Variants in ODAD2 observed in about 807,000 individuals in gnomAD.
ODAD2 encodes outer dynein arm docking complex subunit 2.
ODAD2 carries 89 observed loss-of-function variants against 106.8 expected under a neutral mutation model. The observed-to-expected ratio is 0.83, with a 90% CI of 0.70 to 0.99. The LOEUF (loss-of-function observed/expected upper bound fraction) is 0.99, where lower values mean the gene tolerates loss of function less well. Ranked by LOEUF, ODAD2 falls within the 50% of genes least tolerant of loss-of-function variation. The pLI, the probability that ODAD2 is intolerant of heterozygous loss-of-function variation, is 0.00. For missense variants in ODAD2, 1,168 were observed against 1,238.5 expected, an observed-to-expected ratio of 0.94 and a Z score of 0.85; for synonymous variants, 404 against 436.2, an observed-to-expected ratio of 0.93 and a Z score of 0.92.
chr10:27,848,640 A>C (rs191035808), intron 19 of ODAD2, among the ~76,000 whole-genome samples: 86 of 152,360 alleles, frequency 5.6e-4, no homozygotes, highest in African/African-American at 1.7e-3. Flanking sequence ...GAATGGGAGA[A>C]AATTTTTGCA....
intron 10 of ODAD2, among the ~76,000 whole-genome samples, chr10:27,952,324 A>G (rs1352626366): frequency 6.6e-6 from 1 of 152,036 alleles, no homozygotes; most frequent in African/African-American, 2.4e-5. Flanking sequence ...AAAAATAACA[A>G]AAAGACTACA....
At chr10:27,923,437 A>G (rs1157309589) in intron 16 of ODAD2, among the ~76,000 whole-genome samples, 1 of 152,194 alleles carries the variant, frequency 6.6e-6, no homozygotes, top group Non-Finnish European at 1.5e-5. Flanking sequence ...GTCATAATTC[A>G]TAACCATTAG....
chr10:27,940,948 G>A (rs1197865932), intron 12 of ODAD2, 143 bp from the exon 13 acceptor site: 2 of 869,006 alleles, frequency 2.3e-6, no homozygotes, highest in East Asian at 2.7e-5. Context: ...GTACTCCATA[G>A]CAGCCACGGA....
At chr10:27,862,323 T>C (rs972913826) in intron 18 of ODAD2, 111 bp downstream of exon 18, 7 of 712,428 alleles carry the variant, frequency 9.8e-6, no homozygotes, top group South Asian at 3.0e-5. Flanking sequence ...TCATAAGCAA[T>C]GGGTATTAAA....
At chr10:27,895,913 G>A (rs1408839381) in intron 17 of ODAD2, among the ~76,000 whole-genome samples, 2 of 152,158 alleles carry the variant, frequency 1.3e-5, no homozygotes, top group Non-Finnish European at 2.9e-5. Flanking sequence ...GACGCAAGGT[G>A]GGAGACAAAT....
At position 27,940,626 on chromosome 10, in the gene ODAD2, C is replaced by G. The variant is rs1846340850; in HGVS notation, c.1923G>C (p.Leu641=). Reference sequence around the variant, plus strand: ...TTAGCATGTTTTCATGAGAAGTCTTCAGCAGCCGAGCCAACAGAGGAATGC... The same window carrying G: ...TTAGCATGTTTTCATGAGAAGTCTTGAGCAGCCGAGCCAACAGAGGAATGC... The part of the protein sequence containing the change: ...AGGIPLLARL[L]KTSHENMLIP... The change falls in exon 13 of 20, where the codon CTG becomes CTC. Residue 641 remains leucine, a synonymous_variant. Transcript: ENST00000305242. 6.2e-7 allele frequency: 1 copy of G among 1,614,140 alleles called. No individual in the cohort carries two copies. Among genetic ancestry groups the G allele is most frequent in the East Asian group, 2.2e-5 (1 of 44,872 alleles).
At chr10:27,927,025 G>C (rs1845304014) in intron 16 of ODAD2, among the ~76,000 whole-genome samples, 1 of 151,976 alleles carries the variant, frequency 6.6e-6, no homozygotes, top group Non-Finnish European at 1.5e-5. Context: ...TCTGGTGGTG[G>C]GGCATAAGGC....
At chr10:27,943,077 C>T (rs1726060023) in intron 12 of ODAD2, among the ~76,000 whole-genome samples, 1 of 152,136 alleles carries the variant, frequency 6.6e-6, no homozygotes, top group Admixed American at 6.5e-5. Flanking sequence ...ACTTAAAGTG[C>T]AGAAGTGGAA....
At chr10:27,940,084 C>T in intron 13 of ODAD2, 77 bp from the exon 14 acceptor site, 2 of 961,220 alleles carry the variant, frequency 2.1e-6, no homozygotes, top group South Asian at 1.7e-5. Flanking sequence ...AATAAACATG[C>T]TGAACAAACT....
At chr10:27,865,308 T>G (rs1239438999) in intron 17 of ODAD2, among the ~76,000 whole-genome samples, 1 of 152,218 alleles carries the variant, frequency 6.6e-6, no homozygotes, top group Non-Finnish European at 1.5e-5. Context: ...TTTGTATTTT[T>G]AAAAACTCTC....
At chr10:27,860,592 C>G (rs1839967982) in intron 19 of ODAD2, 33 bp downstream of exon 19, 1 of 1,597,908 alleles carries the variant, frequency 6.3e-7, no homozygotes, top group East Asian at 2.2e-5. Context: ...ATTTACCAAA[C>G]TTGGACTAAA....
chr10:27,880,896 T>A (rs1841659826), intron 17 of ODAD2, among the ~76,000 whole-genome samples: 1 of 152,200 alleles, frequency 6.6e-6, no homozygotes, highest in South Asian at 2.1e-4. Flanking sequence ...ATGTATTCAT[T>A]GGTGGGTGGG....
intron 17 of ODAD2, among the ~76,000 whole-genome samples, chr10:27,871,867 C>T (rs917870890): frequency 6.6e-6 from 1 of 151,940 alleles, no homozygotes; most frequent in South Asian, 2.1e-4. Flanking sequence ...ATGAACTTTA[C>T]AGTAGTTTTT....
intron 7 of ODAD2, among the ~76,000 whole-genome samples, chr10:27,971,796 T>C (rs923375281): frequency 1.1e-4 from 17 of 152,106 alleles, no homozygotes; most frequent in African/African-American, 3.6e-4. Flanking sequence ...CAAAAAACCA[T>C]GTCAACCCAA....
chr10:27,917,510 G>A (rs1564501524), intron 16 of ODAD2, among the ~76,000 whole-genome samples: 1 of 151,754 alleles, frequency 6.6e-6, no homozygotes, highest in Non-Finnish European at 1.5e-5. Flanking sequence ...AATAAATAAA[G>A]TAATTAAAAA....
chr10:27,834,043 T>C (rs1235095466), intron 19 of ODAD2, among the ~76,000 whole-genome samples: 1 of 152,158 alleles, frequency 6.6e-6, no homozygotes, highest in African/African-American at 2.4e-5. Context: ...GTGAGTGACA[T>C]CCAGGCCCTG....
At chr10:27,862,703 C>G in intron 17 of ODAD2, 81 bp from the exon 18 acceptor site, 1 of 1,008,094 alleles carries the variant, frequency 9.9e-7, no homozygotes. Flanking sequence ...AGTAACAATA[C>G]AGCTGTGAGG....
At chr10:27,869,540 CTTT>C (rs35782656) in intron 17 of ODAD2, among the ~76,000 whole-genome samples, 2 of 139,920 alleles carry the variant, frequency 1.4e-5, no homozygotes, top group Admixed American at 7.1e-5. Context: ...TTTTCTTTTT[CTTT>C]TTTTTTTTTG....
At position 27,981,590 on chromosome 10, in the gene ODAD2, A is replaced by G; in HGVS notation, c.820-8T>C. On this transcript the variant is annotated splice_region_variant and splice_polypyrimidine_tract_variant and intron_variant, in intron 6 of 19. Transcript: ENST00000305242. The stretch of plus-strand genomic sequence containing the variant: ...TTCATCATCTGTTTTGCCCTTTGGG[A>G]AAAAACAAGTTTCATTCTATGATTA... 1 of 1,516,030 alleles carries G rather than the reference A, an allele frequency of 6.6e-7. No individual in the cohort carries two copies. 93.9% of individuals were successfully genotyped at this position (1,516,030 alleles called of 1,614,324 possible).
Sources: allele counts gnomAD v4.1 joint callset (sites outside exome capture counted in the v4.1 genomes callset), GRCh38; gene constraint gnomAD v4.1.1; transcripts MANE v1.5; gene names NCBI Gene and HGNC (gene_info 2026-07-23, HGNC 2026-07-21).